ELAPOR2: variants seen among roughly 807,000 people sequenced by gnomAD.
ELAPOR2 encodes endosome/lysosome-associated apoptosis and autophagy regulator family member 2.
A neutral mutation model predicts 120.7 loss-of-function variants in ELAPOR2; 89 were observed. The observed-to-expected ratio is 0.74, with a 90% CI of 0.62 to 0.88. The LOEUF (loss-of-function observed/expected upper bound fraction) is 0.88. Among genes scored for constraint, ELAPOR2 ranks in the 40% least tolerant of loss-of-function variants. The pLI is 0.00. For synonymous variants in ELAPOR2, 444 were observed against 444.9 expected (o/e 1.00, Z 0.03); for missense variants, 1,134 against 1,251.6 (o/e 0.91, Z 1.42).
chr7:87,042,254 A>T (rs1356867180), intron 1 of ELAPOR2, among the ~76,000 whole-genome samples: 10 of 151,198 alleles, frequency 6.6e-5, no homozygotes, highest in African/African-American at 2.5e-4. Context: ...CTCTGCACCA[A>T]GTGGACCTAA....
chr7:87,047,184 A>T (rs897864629), intron 1 of ELAPOR2, among the ~76,000 whole-genome samples: 1 of 152,226 alleles, frequency 6.6e-6, no homozygotes, highest in Non-Finnish European at 1.5e-5. Context: ...ACAAAAATCA[A>T]ATCAAAATGG....
chr7:86,917,470 A>G (rs1789619287), intron 12 of ELAPOR2, among the ~76,000 whole-genome samples: 2 of 152,154 alleles, frequency 1.3e-5, no homozygotes, highest in Non-Finnish European at 2.9e-5. Flanking sequence ...AGTAGAGATG[A>G]GAAGAACGTA....
chr7:86,976,177 G>C (rs1408400161), intron 1 of ELAPOR2, among the ~76,000 whole-genome samples: 4 of 152,090 alleles, frequency 2.6e-5, no homozygotes, highest in African/African-American at 9.7e-5. Context: ...AAGATAACTA[G>C]AACAGGGACT....
intron 8 of ELAPOR2, among the ~76,000 whole-genome samples, chr7:86,928,929 G>C (rs1790200644): frequency 6.6e-6 from 1 of 151,808 alleles, no homozygotes; most frequent in Non-Finnish European, 1.5e-5. Context: ...TGGCTGACTA[G>C]GTAAAGATAA....
At chr7:86,959,718 G>A (rs1791629955) in intron 2 of ELAPOR2, among the ~76,000 whole-genome samples, 1 of 152,094 alleles carries the variant, frequency 6.6e-6, no homozygotes, top group South Asian at 2.1e-4. Context: ...ATTAAATTCA[G>A]TTTGCTGTAT....
At chr7:86,974,336 C>T (rs1338903645) in intron 1 of ELAPOR2, among the ~76,000 whole-genome samples, 1 of 151,966 alleles carries the variant, frequency 6.6e-6, no homozygotes, top group East Asian at 1.9e-4. Context: ...ACCTCAATTC[C>T]ACTTCTAGGC....
At chr7:86,921,116 C>A (rs1255493047) in intron 10 of ELAPOR2, among the ~76,000 whole-genome samples, 1 of 152,112 alleles carries the variant, frequency 6.6e-6, no homozygotes, top group African/African-American at 2.4e-5. Flanking sequence ...CTGCCAGCCA[C>A]TTTTGGAGCA....
intron 1 of ELAPOR2, among the ~76,000 whole-genome samples, chr7:86,971,859 A>C (rs1034324054): frequency 2.6e-5 from 4 of 152,068 alleles, no homozygotes; most frequent in African/African-American, 9.7e-5. Flanking sequence ...ATCAGAGGTG[A>C]AAAAAAATCT....
chr7:86,944,793 C>CA (rs886467558), intron 4 of ELAPOR2, 106 bp downstream of exon 4: 21,538 of 682,248 alleles, frequency 0.032, no homozygotes, highest in South Asian at 0.048. Context: ...CACACACACA[C>CA]AAAAAAAAAA....
At chr7:86,941,983 A>G (rs1385110824) in intron 5 of ELAPOR2, 35 bp downstream of exon 5, 1 of 1,316,870 alleles carries the variant, frequency 7.6e-7, no homozygotes, top group East Asian at 2.5e-5. Flanking sequence ...AGAAGGAAAA[A>G]TTGGCAAAGA....
chr7:86,922,226 T>C (rs1789864480), intron 10 of ELAPOR2, among the ~76,000 whole-genome samples: 1 of 151,990 alleles, frequency 6.6e-6, no homozygotes, highest in South Asian at 2.1e-4. Flanking sequence ...CTAACAGCTA[T>C]TATAATTTTT....
chr7:87,025,318 C>A (rs903529708), intron 1 of ELAPOR2, among the ~76,000 whole-genome samples: 2 of 152,062 alleles, frequency 1.3e-5, no homozygotes, highest in African/African-American at 4.8e-5. Context: ...AAAAATCCCC[C>A]TTCAGTCAAG....
intron 1 of ELAPOR2, among the ~76,000 whole-genome samples, chr7:87,024,512 G>C (rs889049527): frequency 5.3e-5 from 8 of 152,074 alleles, no homozygotes; most frequent in Non-Finnish European, 1.0e-4. Flanking sequence ...CAGGGATATT[G>C]GTCTAAAATT....
At chr7:86,982,023 G>C (rs757461743) in intron 1 of ELAPOR2, among the ~76,000 whole-genome samples, 1 of 152,242 alleles carries the variant, frequency 6.6e-6, no homozygotes, top group Non-Finnish European at 1.5e-5. Flanking sequence ...CATCTGGCTC[G>C]GCAGGTCCCA....
At chr7:86,916,317 T>C (rs1584346059) in intron 12 of ELAPOR2, among the ~76,000 whole-genome samples, 1 of 152,052 alleles carries the variant, frequency 6.6e-6, no homozygotes, top group South Asian at 2.1e-4. Flanking sequence ...TGAGAAAAGG[T>C]GAAGTTTGAG....
At chr7:87,058,922 T>A (rs1795347153) in intron 1 of ELAPOR2, among the ~76,000 whole-genome samples, 1 of 151,244 alleles carries the variant, frequency 6.6e-6, no homozygotes, top group Non-Finnish European at 1.5e-5. Flanking sequence ...GAGCGGGAAA[T>A]CCTCTGGTGT....
At chr7:86,934,807 CT>C (rs1468923801) in intron 8 of ELAPOR2, among the ~76,000 whole-genome samples, 16 of 152,122 alleles carry the variant, frequency 1.1e-4, no homozygotes, top group African/African-American at 2.9e-4. Context: ...CATCTCACAA[CT>C]TGGTCAAAAC....
At chr7:86,886,929 T>G (rs1267479272) in intron 21 of ELAPOR2, among the ~76,000 whole-genome samples, 1 of 152,122 alleles carries the variant, frequency 6.6e-6, no homozygotes, top group Non-Finnish European at 1.5e-5. Context: ...CAATCATCTA[T>G]GAATAACTGA....
intron 1 of ELAPOR2, among the ~76,000 whole-genome samples, chr7:87,025,729 T>C (rs924418649): frequency 6.6e-6 from 1 of 152,162 alleles, no homozygotes; most frequent in Non-Finnish European, 1.5e-5. Flanking sequence ...TGAAGAACTA[T>C]TAAGCCTCTA....
Sources: allele counts gnomAD v4.1 joint callset (sites outside exome capture counted in the v4.1 genomes callset), GRCh38; gene constraint gnomAD v4.1.1; transcripts MANE v1.5; gene names NCBI Gene and HGNC (gene_info 2026-07-23, HGNC 2026-07-21).